The following SHPK variants were observed in gnomAD, a reference collection of about 807,000 sequenced individuals.
SHPK encodes the protein carbohydrate kinase-like protein.
SHPK carries 51 observed loss-of-function variants against 46.3 expected under a neutral mutation model. That is an observed-to-expected ratio of 1.10 (90% CI 0.88 to 1.39). The LOEUF (loss-of-function observed/expected upper bound fraction) is 1.39. Ranked by LOEUF, SHPK falls within the 40% of genes most tolerant of loss-of-function variation. SHPK has a pLI of 0.00. For missense variants in SHPK, 668 were observed against 641.3 expected, an observed-to-expected ratio of 1.04 and a Z score of -0.45; for synonymous variants, 290 against 273.9, an observed-to-expected ratio of 1.06 and a Z score of -0.58.
intron 1 of SHPK, among the ~76,000 whole-genome samples, chr17:3,635,267 G>C (rs957997408): frequency 6.8e-6 from 1 of 147,978 alleles, no homozygotes; most frequent in Non-Finnish European, 1.5e-5. Flanking sequence ...AAGGAGTCTC[G>C]CTCTGTCACC....
chr17:3,623,607 C>T (rs73305303), intron 3 of SHPK, 116 bp from the exon 4 acceptor site: 223 of 1,010,062 alleles, frequency 2.2e-4, no homozygotes, highest in African/African-American at 1.7e-3. Context: ...CAGCCACAAC[C>T]GCATATACTA....
chr17:3,632,424 C>G (rs1048952431), intron 1 of SHPK, among the ~76,000 whole-genome samples: 1 of 152,186 alleles, frequency 6.6e-6, no homozygotes, highest in Non-Finnish European at 1.5e-5. Context: ...TAAGACTCCA[C>G]ATGGCCATGG....
intron 6 of SHPK, among the ~76,000 whole-genome samples, chr17:3,614,291 G>A (rs1169858041): frequency 2.0e-5 from 3 of 152,132 alleles, no homozygotes; most frequent in Non-Finnish European, 2.9e-5. Flanking sequence ...TTTGGAGGCC[G>A]AGGCAGGTGG....
At chr17:3,615,254 A>C in intron 6 of SHPK, 83 bp downstream of exon 6, 1 of 1,377,644 alleles carries the variant, frequency 7.3e-7, no homozygotes, top group Non-Finnish European at 1.0e-6. Context: ...CTGAAACCGC[A>C]CATGAAGCTC....
At chr17:3,628,941 C>A (rs954844011) in intron 2 of SHPK, among the ~76,000 whole-genome samples, 3 of 152,156 alleles carry the variant, frequency 2.0e-5, no homozygotes, top group Non-Finnish European at 1.5e-5. Flanking sequence ...GTGTGAGCCA[C>A]CATGCCCGGC....
In SHPK at chr17:3,624,869, G is replaced by T. The variant is rs138098247; in HGVS notation, c.311-638C>A. 9.2e-4 allele frequency among the ~76,000 whole-genome samples: 140 copies of T among 152,180 alleles called. 4 individuals carry two copies. In the East Asian group the frequency reaches 0.024, roughly 26 times the overall value. On this transcript the variant is annotated intron_variant, in intron 2 of 6. Transcript: ENST00000225519. ...AGGGTTTCATCATGCTGCCCAGGCTGGTCTCGAACTCCTGAGCTCAGGCAA... is the reference window on the plus strand; with the variant it reads ...AGGGTTTCATCATGCTGCCCAGGCTTGTCTCGAACTCCTGAGCTCAGGCAA...
chr17:3,615,317 CTG>C lies in SHPK; in HGVS notation c.1024+18_1024+19del. ...GAAAGGACAGGCAGAGAACACAGCG[CTG>C]TGTGGGCCACACCTTACCTAGATCT... is the stretch of plus-strand genomic sequence containing the variant. On this transcript the variant is annotated intron_variant, in intron 6 of 6. Coordinates refer to ENST00000225519, the MANE Select transcript of SHPK (RefSeq NM_013276.4). 6.2e-7 allele frequency: 1 copy of C among 1,612,488 alleles called. No individual in the cohort carries two copies. Among genetic ancestry groups the C allele is most frequent in the East Asian group, 2.2e-5 (1 of 44,884 alleles).
intron 1 of SHPK, among the ~76,000 whole-genome samples, chr17:3,635,242 G>GAAGGAAGGAAGGA (rs2075508879): frequency 1.3e-5 from 2 of 150,322 alleles, no homozygotes; most frequent in South Asian, 4.3e-4. Flanking sequence ...AGGAAGGAAG[G>GAAGGAAGGAAGGA]AAGGGAAGGA....
intron 6 of SHPK, among the ~76,000 whole-genome samples, chr17:3,613,665 G>A (rs1328067897): frequency 6.6e-6 from 1 of 152,072 alleles, no homozygotes; most frequent in Non-Finnish European, 1.5e-5. Context: ...CACCGCGCCT[G>A]GCTATTTTAT....
At position 3,610,484 on chromosome 17, in the gene SHPK, G is replaced by GGA; in HGVS notation, c.*74_*75dup. 6.9e-7 allele frequency: 1 copy of GGA among 1,450,038 alleles called. No homozygotes were observed. The highest frequency in any genetic ancestry group is 9.4e-7 in the Non-Finnish European group (1 of 1,065,888). 89.8% of individuals were successfully genotyped at this position (1,450,038 alleles called of 1,614,324 possible). ...CTGTCCACTGAACGGTCCAGGGAAA[G>GGA]GATGACCCACAGATGGTGTCAGGAA... On this transcript the variant is annotated 3_prime_UTR_variant, in exon 7 of 7. Coordinates refer to ENST00000225519, the MANE Select transcript of SHPK (RefSeq NM_013276.4).
intron 4 of SHPK, 136 bp downstream of exon 4, chr17:3,623,203 G>T: frequency 2.1e-6 from 2 of 942,990 alleles, no homozygotes; most frequent in Non-Finnish European, 3.3e-6. Flanking sequence ...GACAGGCCAG[G>T]GGCACTGGAC....
chr17:3,623,592 G>A, intron 3 of SHPK, 101 bp from the exon 4 acceptor site: 1 of 1,216,628 alleles, frequency 8.2e-7, no homozygotes, highest in South Asian at 1.3e-5. Flanking sequence ...GCCATGGCCA[G>A]GTGGCAGCCA....
At chr17:3,622,772 TC>T (rs1400081613) in intron 4 of SHPK, 4 of 168,114 alleles carry the variant, frequency 2.4e-5, no homozygotes, top group African/African-American at 9.9e-5. Context: ...TGGTGCAATC[TC>T]GGCTCACCGC....
At chr17:3,635,402 A>AT (rs35584817) in intron 1 of SHPK, among the ~76,000 whole-genome samples, 21,048 of 151,754 alleles carry the variant, frequency 0.14, 1,853 homozygotes, top group East Asian at 0.25. Context: ...CGCCCCGCTA[A>AT]TTTTTTGTAT....
chr17:3,616,055 T>C (rs1254295638), intron 5 of SHPK, among the ~76,000 whole-genome samples: 1 of 152,068 alleles, frequency 6.6e-6, no homozygotes, highest in East Asian at 1.9e-4. Context: ...GGTTTCACCA[T>C]CTTGGCCAGG....
chr17:3,620,785 T>C lies in SHPK; in HGVS notation c.823+452A>G, dbSNP rs1042966124. Among the ~76,000 whole-genome samples the C allele has an allele frequency of 2.0e-5, 3 of 151,754 alleles. No homozygotes were observed. The East Asian group carries it at 5.8e-4, about 29-fold the overall frequency. On this transcript the variant is annotated intron_variant, in intron 5 of 6. Transcript: ENST00000225519. Reference sequence around the variant, plus strand: ...CATCTTGGCCAGGCTGGTCTTGAACTCCTGACCTCGTGATCCGCCTGCCTC... The same window carrying C: ...CATCTTGGCCAGGCTGGTCTTGAACCCCTGACCTCGTGATCCGCCTGCCTC...
chr17:3,617,887 T>C (rs1392555834), intron 5 of SHPK, among the ~76,000 whole-genome samples: 2 of 152,242 alleles, frequency 1.3e-5, no homozygotes, highest in Non-Finnish European at 2.9e-5. Flanking sequence ...GATCTGCTTT[T>C]TAAGCATTCT....
chr17:3,618,825 T>C (rs1028883437), intron 5 of SHPK, among the ~76,000 whole-genome samples: 2 of 152,136 alleles, frequency 1.3e-5, no homozygotes, highest in African/African-American at 4.8e-5. Flanking sequence ...ATTTAGATGG[T>C]TTATACTTTT....
chr17:3,619,449 G>C, intron 5 of SHPK: 1 of 1,352,674 alleles, frequency 7.4e-7, no homozygotes, highest in Non-Finnish European at 1.1e-6. Flanking sequence ...AATTTGGACG[G>C]AGAGGCCGGG....
Sources: gnomAD v4.1 joint callset for allele counts (sites outside exome capture counted in the v4.1 genomes callset) on GRCh38, gnomAD v4.1.1 for gene constraint, MANE v1.5 for transcripts, NCBI Gene and HGNC (gene_info 2026-07-23, HGNC 2026-07-21) for gene names.